MYO6: variants seen among roughly 807,000 people sequenced by gnomAD.
The protein encoded by MYO6 is unconventional myosin-VI.
MYO6 carries 74 observed loss-of-function variants against 178.7 expected under a neutral mutation model. The observed-to-expected ratio is 0.41, with a 90% CI of 0.34 to 0.50. MYO6 has a LOEUF of 0.50. Among genes scored for constraint, MYO6 ranks in the 20% least tolerant of loss-of-function variants. The pLI is 0.09. For synonymous variants in MYO6, 477 were observed against 504.6 expected, an observed-to-expected ratio of 0.95 and a Z score of 0.73; for missense variants, 1,330 against 1,547.4, an observed-to-expected ratio of 0.86 and a Z score of 2.36.
intron 9 of MYO6, among the ~76,000 whole-genome samples, chr6:75,843,619 CAT>C (rs1449879597): frequency 6.6e-6 from 1 of 152,086 alleles, no homozygotes. Context: ...TAGCAAAGAA[CAT>C]ATTTATTTTG....
At position 75,824,762 on chromosome 6, in the gene MYO6, A is replaced by ATT. The variant is rs35925414; in HGVS notation, c.187+1927_187+1928dup. Reference sequence around the variant, plus strand: ...ACTTATTACCTACTTTTCGGTCTAAATTTTTTTTTTTTTTTTTGAGACAGT... The same window carrying ATT: ...ACTTATTACCTACTTTTCGGTCTAAATTTTTTTTTTTTTTTTTTTGAGACAGT... On this transcript the variant is annotated intron_variant, in intron 3 of 34. Transcript: ENST00000369977. Among the ~76,000 whole-genome samples the ATT allele has an allele frequency of 7.9e-4, 112 of 142,068 alleles. 1 individual carries two copies. Among genetic ancestry groups the ATT allele is most frequent in the Admixed American group, 9.2e-4 (13 of 14,142 alleles). The allele number at this position is 142,068 out of a possible 152,430, so 93.2% of individuals were successfully genotyped here.
rs748534328 is a variant in MYO6 at position 75,895,188 on chromosome 6, C to G, written c.3108-43C>G. ...TTGCACAATCCAGATTTTCACAGTT[C>G]ACAATTGGTTACGATATTAACTAAA... On this transcript the variant is annotated intron_variant, in intron 28 of 34. Transcript: ENST00000369977. The G allele has an allele frequency of 2.3e-5, 35 of 1,493,570 alleles. No individual in the cohort carries two copies. In the South Asian group the frequency reaches 3.6e-4, roughly 15 times the overall value. 92.5% of individuals were successfully genotyped at this position (1,493,570 alleles called of 1,614,324 possible). A position where few individuals can be genotyped will look rare whatever the true frequency, so the allele number is the denominator to read the frequency against.
intron 16 of MYO6, among the ~76,000 whole-genome samples, chr6:75,863,642 C>T (rs1301191095): frequency 2.0e-5 from 3 of 151,956 alleles, no homozygotes; most frequent in African/African-American, 7.3e-5. Context: ...TGCACCACCA[C>T]GCCCGGCTAA....
At chr6:75,777,073 T>C (rs1432066954) in intron 1 of MYO6, among the ~76,000 whole-genome samples, 1 of 152,224 alleles carries the variant, frequency 6.6e-6, no homozygotes, top group Non-Finnish European at 1.5e-5. Context: ...CCTTGGTGTG[T>C]ACTAAGAAAT....
At chr6:75,876,089 CTGTT>C (rs1396518241) in intron 20 of MYO6, among the ~76,000 whole-genome samples, 3 of 152,084 alleles carry the variant, frequency 2.0e-5, no homozygotes, top group Non-Finnish European at 2.9e-5. Flanking sequence ...GCTGCCTCCT[CTGTT>C]TGGGATGTTC....
chr6:75,845,687 CAA>C (rs1774664361), intron 10 of MYO6, among the ~76,000 whole-genome samples: 2 of 150,958 alleles, frequency 1.3e-5, no homozygotes, highest in Non-Finnish European at 3.0e-5. Context: ...GAATTAAAAA[CAA>C]ACAAAAAAAA....
intron 1 of MYO6, among the ~76,000 whole-genome samples, chr6:75,774,142 G>T (rs1199212038): frequency 6.6e-6 from 1 of 152,018 alleles, no homozygotes; most frequent in Non-Finnish European, 1.5e-5. Context: ...GTAAATGAAT[G>T]TTCATTCATA....
At position 75,828,679 on chromosome 6, in the gene MYO6, T is replaced by C. The variant is rs1443771766; in HGVS notation, c.261+66T>C. The C allele has an allele frequency of 1.5e-5, 15 of 1,032,416 alleles. No homozygotes were observed. In the East Asian group the frequency reaches 3.6e-4, roughly 25 times the overall value. 64.0% of individuals were successfully genotyped at this position (1,032,416 alleles called of 1,614,324 possible). On this transcript the variant is annotated intron_variant, in intron 4 of 34. Transcript: ENST00000369977. ...TTATTTCATGTGGTACTCTTTGATT[T>C]TGTCACGCTTGAAATTGTCTAACAG...
At chr6:75,813,204 C>T (rs185756217) in intron 1 of MYO6, among the ~76,000 whole-genome samples, 1,572 of 152,236 alleles carry the variant, frequency 0.01, 11 homozygotes, top group Middle Eastern at 0.024. Flanking sequence ...AGAAATCTAT[C>T]TGCTGCTGTA....
At position 75,880,034 on chromosome 6, in the gene MYO6, A is replaced by G; in HGVS notation, c.2209-9A>G. On this transcript the variant is annotated splice_polypyrimidine_tract_variant and intron_variant, in intron 21 of 34. Coordinates refer to ENST00000369977, the MANE Select transcript of MYO6 (RefSeq NM_004999.4). ...ATTGACATTTAACTTTTTAACTTTT[A>G]TTTTTCAGGCTTTGTTTAAAGCTTT... is the stretch of plus-strand genomic sequence containing the variant. The G allele has an allele frequency of 6.2e-7, 1 of 1,613,280 alleles. No homozygotes were observed. Among genetic ancestry groups the G allele is most frequent in the South Asian group, 1.1e-5 (1 of 91,004 alleles).
chr6:75,840,681 A>G lies in MYO6; in HGVS notation c.650A>G (p.Lys217Arg). 3 of 1,601,040 alleles carry G rather than the reference A, an allele frequency of 1.9e-6. No homozygotes were observed. Among genetic ancestry groups the G allele is most frequent in the Non-Finnish European group, 2.6e-6 (3 of 1,168,176 alleles). ...TTTGTAGAAATACATTTTAATGAAA[A>G]GGTAAGTGAGAGTAAGCTTTGGAAT... is the stretch of plus-strand genomic sequence containing the variant. ...GKFVEIHFNEKSSVVGGFVSH... is the reference protein window; with the variant it reads ...GKFVEIHFNERSSVVGGFVSH... Residue 217 changes from lysine (K) to arginine (R), a missense_variant and splice_region_variant, in exon 8 of 35, where the codon AAG becomes AGG. Lys to Arg is a conservative substitution (Grantham distance 26). Transcript: ENST00000369977.
At chr6:75,845,510 T>C (rs1465337121) in intron 10 of MYO6, among the ~76,000 whole-genome samples, 2 of 151,626 alleles carry the variant, frequency 1.3e-5, no homozygotes, top group African/African-American at 4.9e-5. Context: ...CTGGGCAACA[T>C]AGTGAAACCC....
chr6:75,760,487 G>A (rs1409825324), intron 1 of MYO6, among the ~76,000 whole-genome samples: 1 of 152,086 alleles, frequency 6.6e-6, no homozygotes, highest in East Asian at 1.9e-4. Flanking sequence ...GCTAGAGAGG[G>A]CCTTGTTCAT....
intron 18 of MYO6, among the ~76,000 whole-genome samples, chr6:75,868,802 T>C (rs563742482): frequency 6.6e-6 from 1 of 152,270 alleles, no homozygotes; most frequent in South Asian, 2.1e-4. Flanking sequence ...AATTTTCTAT[T>C]GGAAAGTGCC....
At chr6:75,785,329 G>A (rs1244181867) in intron 1 of MYO6, among the ~76,000 whole-genome samples, 1 of 152,142 alleles carries the variant, frequency 6.6e-6, no homozygotes, top group Non-Finnish European at 1.5e-5. Flanking sequence ...ATCCTGAAAT[G>A]TATTCTTTTG....
chr6:75,804,766 C>A (rs924088022), intron 1 of MYO6, among the ~76,000 whole-genome samples: 2 of 151,720 alleles, frequency 1.3e-5, no homozygotes, highest in African/African-American at 4.8e-5. Context: ...TATGCTTTCT[C>A]CTTTTTGGTG....
At chr6:75,892,722 C>G in intron 28 of MYO6, 32 bp downstream of exon 28, 1 of 1,609,564 alleles carries the variant, frequency 6.2e-7, no homozygotes, top group Non-Finnish European at 8.5e-7. Context: ...GTATAGCGCT[C>G]TCTCCTTTGC....
intron 1 of MYO6, among the ~76,000 whole-genome samples, chr6:75,757,074 T>A (rs965377683): frequency 6.9e-6 from 1 of 144,406 alleles, no homozygotes; most frequent in East Asian, 2.0e-4. Context: ...ACATATATAG[T>A]GTGTATATAT....
intron 1 of MYO6, among the ~76,000 whole-genome samples, chr6:75,751,329 T>C (rs1582952960): frequency 1.3e-5 from 2 of 152,354 alleles, no homozygotes; most frequent in East Asian, 3.9e-4. Context: ...CTTTGTAAGT[T>C]ACATTTTTGT....
Sources: allele counts gnomAD v4.1 joint callset (sites outside exome capture counted in the v4.1 genomes callset), GRCh38; gene constraint gnomAD v4.1.1; transcripts MANE v1.5; gene names NCBI Gene and HGNC (gene_info 2026-07-23, HGNC 2026-07-21).